The following CBX1 variants were observed in gnomAD, a reference collection of about 807,000 sequenced individuals.
The protein encoded by CBX1 is chromobox 1, also known as chromobox protein homolog 1.
A neutral mutation model predicts 25.1 loss-of-function variants in CBX1; 10 were observed. The ratio of observed to expected loss-of-function variants is 0.40; its 90% CI spans 0.25 to 0.68. The LOEUF is 0.68. CBX1 is among the 30% of genes least tolerant of loss of function. The probability of loss-of-function intolerance (pLI) is 0.40; values close to 1 mark genes in which losing one functional copy is unlikely to be tolerated. For synonymous variants in CBX1, 63 were observed against 79.4 expected, an observed-to-expected ratio of 0.79 and a Z score of 1.10; for missense variants, 106 against 218.5, an observed-to-expected ratio of 0.49 and a Z score of 3.25.
chr17:48,074,978 A>G, intron 4 of CBX1, 28 bp downstream of exon 4: 1 of 1,508,840 alleles, frequency 6.6e-7, no homozygotes, highest in Non-Finnish European at 9.2e-7. Context: ...GAAAAAAAAC[A>G]ACCACACAGA....
At chr17:48,094,028 C>T (rs1348880298) in intron 1 of CBX1, among the ~76,000 whole-genome samples, 2 of 147,878 alleles carry the variant, frequency 1.4e-5, no homozygotes, top group South Asian at 2.1e-4. Context: ...GAAGGAGAAT[C>T]GCTTCAACCT....
intron 4 of CBX1, 141 bp downstream of exon 4, chr17:48,074,865 G>A (rs1319002794): frequency 2.3e-5 from 16 of 703,086 alleles, no homozygotes; most frequent in Admixed American, 1.3e-4. Flanking sequence ...GTCAGGCCGA[G>A]GGTCACTATC....
chr17:48,095,016 C>T (rs2063365714), intron 1 of CBX1, among the ~76,000 whole-genome samples: 1 of 151,282 alleles, frequency 6.6e-6, no homozygotes, highest in South Asian at 2.1e-4. Flanking sequence ...CACTGCACTC[C>T]AGCCTCAGTG....
At chr17:48,093,286 T>TAAAAAAAAA (rs777087501) in intron 1 of CBX1, among the ~76,000 whole-genome samples, 8 of 76,236 alleles carry the variant, frequency 1.0e-4, no homozygotes, top group Non-Finnish European at 1.1e-4. Context: ...AAAATAAAAT[T>TAAAAAAAAA]AAAAAAAAAA....
rs780346596 is a variant in CBX1, at chr17:48,071,593, CAA to C, written c.414-16_414-15del. On this transcript the variant is annotated splice_polypyrimidine_tract_variant and intron_variant, in intron 4 of 4. Transcript: ENST00000225603. ...TCAGAGTTTTTCCTGCAGAATAAAG[CAA>C]AGAGAGACTTTGAGACCAGGTGCTG... 1.1e-4 allele frequency: 175 copies of C among 1,584,808 alleles called. 1 individual carries two copies. In the South Asian group the frequency reaches 1.9e-3, roughly 17 times the overall value.
chr17:48,075,199 T>TC, intron 3 of CBX1, 99 bp from the exon 4 acceptor site: 2 of 546,108 alleles, frequency 3.7e-6, no homozygotes, highest in East Asian at 7.7e-5. Flanking sequence ...CACAAACTCT[T>TC]TTTTTTTTTT....
intron 4 of CBX1, among the ~76,000 whole-genome samples, chr17:48,074,719 C>A (rs1324368477): frequency 6.6e-6 from 1 of 151,944 alleles, no homozygotes; most frequent in African/African-American, 2.4e-5. Flanking sequence ...TTTTCTCCCC[C>A]TTTATTTACA....
intron 1 of CBX1, among the ~76,000 whole-genome samples, chr17:48,084,407 C>G (rs760411544): frequency 6.8e-6 from 1 of 146,698 alleles, no homozygotes; most frequent in Non-Finnish European, 1.5e-5. Flanking sequence ...AGAGACAGGT[C>G]GCCATGTTGC....
At chr17:48,087,154 A>G (rs1307202670) in intron 1 of CBX1, among the ~76,000 whole-genome samples, 1 of 150,870 alleles carries the variant, frequency 6.6e-6, no homozygotes, top group African/African-American at 2.4e-5. Flanking sequence ...GCACCATTGC[A>G]CTCTAGCCTG....
At chr17:48,082,052 A>G (rs1167558920) in intron 1 of CBX1, among the ~76,000 whole-genome samples, 1 of 152,008 alleles carries the variant, frequency 6.6e-6, no homozygotes, top group Admixed American at 6.6e-5. Flanking sequence ...GGAGTTTGAG[A>G]CCAGCCTGGG....
chr17:48,094,128 AAAAAAAAAAAG>A (rs2063359660), intron 1 of CBX1, among the ~76,000 whole-genome samples: 1 of 145,006 alleles, frequency 6.9e-6, no homozygotes, highest in Non-Finnish European at 1.5e-5. Flanking sequence ...AAAAAAAAAA[AAAAAAAAAAAG>A]AAGTGTGGGC....
At chr17:48,081,478 G>A (rs2037737510) in intron 1 of CBX1, among the ~76,000 whole-genome samples, 3 of 151,980 alleles carry the variant, frequency 2.0e-5, no homozygotes, top group East Asian at 1.9e-4. Context: ...CGCTCTTGTC[G>A]CCCAGGCTGG....
At chr17:48,095,314 G>C (rs2063367957) in intron 1 of CBX1, among the ~76,000 whole-genome samples, 1 of 152,198 alleles carries the variant, frequency 6.6e-6, no homozygotes. Context: ...CTCAGGTGGG[G>C]CGCGGTGGCT....
chr17:48,097,490 C>T (rs1384065022), intron 1 of CBX1, among the ~76,000 whole-genome samples: 1 of 151,272 alleles, frequency 6.6e-6, no homozygotes, highest in Admixed American at 6.6e-5. Flanking sequence ...GTCGGGGCCC[C>T]CTGGTAGTCC....
chr17:48,079,331 C>T (rs1230214860), intron 1 of CBX1, among the ~76,000 whole-genome samples: 1 of 151,262 alleles, frequency 6.6e-6, no homozygotes, highest in Non-Finnish European at 1.5e-5. Context: ...GTCTCGAACT[C>T]CTGACCTCAA....
intron 1 of CBX1, among the ~76,000 whole-genome samples, chr17:48,078,710 C>A (rs9905460): frequency 2.0e-5 from 3 of 150,578 alleles, no homozygotes; most frequent in Non-Finnish European, 4.4e-5. Context: ...GGCTGGTCTT[C>A]AACTCCTGAC....
At chr17:48,091,535 C>CT (rs4053473) in intron 1 of CBX1, among the ~76,000 whole-genome samples, 3,558 of 71,964 alleles carry the variant, frequency 0.049, 110 homozygotes, top group African/African-American at 0.065. Context: ...CCACCATGCC[C>CT]TTTTTTTTTT....
chr17:48,095,510 T>C (rs2063369460), intron 1 of CBX1, among the ~76,000 whole-genome samples: 1 of 152,038 alleles, frequency 6.6e-6, no homozygotes, highest in African/African-American at 2.4e-5. Flanking sequence ...TGAGCTGAGA[T>C]TGCACCATTG....
At chr17:48,097,275 C>T (rs1175733986) in intron 1 of CBX1, among the ~76,000 whole-genome samples, 1 of 149,442 alleles carries the variant, frequency 6.7e-6, no homozygotes, top group African/African-American at 2.5e-5. Context: ...AAAAAAACGC[C>T]ACCACATTGT....
Sources: allele counts gnomAD v4.1 joint callset (sites outside exome capture counted in the v4.1 genomes callset), GRCh38; gene constraint gnomAD v4.1.1; transcripts MANE v1.5; gene names NCBI Gene and HGNC (gene_info 2026-07-23, HGNC 2026-07-21).